The following MARCHF1 variants were observed in gnomAD, a reference collection of about 807,000 sequenced individuals.
MARCHF1 encodes E3 ubiquitin-protein ligase MARCHF1.
In MARCHF1, 40 loss-of-function variants were observed where a neutral mutation model predicts 54.2. That is an observed-to-expected ratio of 0.74 (90% CI 0.57 to 0.96). MARCHF1 has a LOEUF of 0.96. Ranked by LOEUF, MARCHF1 falls within the 40% of genes least tolerant of loss-of-function variation. MARCHF1 has a pLI of 0.00. For synonymous variants in MARCHF1, 236 were observed against 236.3 expected (o/e 1.00, Z 0.01); for missense variants, 586 against 656.5 (o/e 0.89, Z 1.17).
intron 1 of MARCHF1, among the ~76,000 whole-genome samples, chr4:164,276,955 G>A (rs770327589): frequency 9.1e-6 from 1 of 110,408 alleles, no homozygotes; most frequent in Admixed American, 1.1e-4. Flanking sequence ...TATAGAGAGA[G>A]AGAGAGAGAG....
chr4:164,067,309 A>C (rs1754751446), intron 2 of MARCHF1, among the ~76,000 whole-genome samples: 1 of 152,226 alleles, frequency 6.6e-6, no homozygotes, highest in Non-Finnish European at 1.5e-5. Flanking sequence ...ATCTGGAAGC[A>C]TCACACTACC....
intron 2 of MARCHF1, among the ~76,000 whole-genome samples, chr4:164,095,317 A>G (rs1429471603): frequency 2.6e-5 from 4 of 152,082 alleles, no homozygotes; most frequent in Admixed American, 6.6e-5. Context: ...GTAATAGCAT[A>G]TATGACTAGT....
intron 3 of MARCHF1, among the ~76,000 whole-genome samples, chr4:163,962,991 A>G (rs1311470540): frequency 6.6e-6 from 1 of 151,866 alleles, no homozygotes; most frequent in Non-Finnish European, 1.5e-5. Context: ...TTTCCACTCA[A>G]CAGGTTTTTC....
chr4:163,969,463 A>G (rs1195523670), intron 3 of MARCHF1, among the ~76,000 whole-genome samples: 1 of 152,224 alleles, frequency 6.6e-6, no homozygotes, highest in African/African-American at 2.4e-5. Context: ...TTGCCAATAC[A>G]GTTGGAACAT....
chr4:164,282,012 C>T (rs1398799201), intron 1 of MARCHF1, among the ~76,000 whole-genome samples: 3 of 150,660 alleles, frequency 2.0e-5, no homozygotes, highest in Admixed American at 6.8e-5. Context: ...TTCCATTCAT[C>T]GTTTCACTCT....
At chr4:163,614,340 A>T (rs1741444019) in intron 5 of MARCHF1, among the ~76,000 whole-genome samples, 1 of 152,132 alleles carries the variant, frequency 6.6e-6, no homozygotes, top group Non-Finnish European at 1.5e-5. Flanking sequence ...AATTACATAC[A>T]TGTTACAGCT....
intron 1 of MARCHF1, among the ~76,000 whole-genome samples, chr4:164,377,190 C>T (rs1172465220): frequency 5.7e-5 from 7 of 121,990 alleles, no homozygotes; most frequent in South Asian, 2.8e-4. Flanking sequence ...TCAATCCATC[C>T]GTCACCAGGC....
At chr4:163,796,114 C>T (rs1252812452) in intron 4 of MARCHF1, among the ~76,000 whole-genome samples, 1 of 151,738 alleles carries the variant, frequency 6.6e-6, no homozygotes, top group Admixed American at 6.6e-5. Flanking sequence ...AGAAGAAAAT[C>T]TGCATTTCAG....
rs531032788 is a variant in MARCHF1, at chr4:164,024,769, C to T, written c.-247-36060G>A. On this transcript the variant is annotated intron_variant, in intron 2 of 9. Transcript: ENST00000514618. ...ACCCTAAATGTAAATGGTCTAAACA[C>T]CCCATTTAAAAGACAGAGTCACATA... Among the ~76,000 whole-genome samples, 188 of 152,168 alleles carry T rather than the reference C, an allele frequency of 1.2e-3. 1 individual carries two copies. Among genetic ancestry groups the T allele is most frequent in the Middle Eastern group, 3.4e-3 (1 of 294 alleles).
chr4:164,252,123 A>G (rs1733146505), intron 1 of MARCHF1, among the ~76,000 whole-genome samples: 1 of 152,160 alleles, frequency 6.6e-6, no homozygotes, highest in African/African-American at 2.4e-5. Flanking sequence ...ATTAGCCTCT[A>G]TTACTTAAGC....
At chr4:163,756,354 C>T (rs1350716357) in intron 4 of MARCHF1, among the ~76,000 whole-genome samples, 4 of 151,886 alleles carry the variant, frequency 2.6e-5, no homozygotes, top group African/African-American at 9.7e-5. Flanking sequence ...GAAGGCCAGG[C>T]ATGGTGGCTC....
chr4:163,945,935 C>G (rs1320922295), intron 3 of MARCHF1, among the ~76,000 whole-genome samples: 3 of 151,956 alleles, frequency 2.0e-5, no homozygotes, highest in Admixed American at 1.3e-4. Flanking sequence ...CACAGCTTCC[C>G]TAGTTTTTAG....
intron 1 of MARCHF1, among the ~76,000 whole-genome samples, chr4:164,155,909 C>A (rs1046687204): frequency 1.3e-5 from 2 of 152,086 alleles, no homozygotes; most frequent in African/African-American, 4.8e-5. Flanking sequence ...CTTTCTCCCT[C>A]AAAATGATTT....
chr4:163,600,073 C>G (rs1466385499), intron 7 of MARCHF1, among the ~76,000 whole-genome samples: 10 of 152,066 alleles, frequency 6.6e-5, no homozygotes, highest in Non-Finnish European at 7.3e-5. Flanking sequence ...TCTGGTGTGT[C>G]TAAATTATAA....
chr4:164,200,808 G>A (rs1477607655), intron 1 of MARCHF1, among the ~76,000 whole-genome samples: 3 of 152,170 alleles, frequency 2.0e-5, no homozygotes, highest in African/African-American at 7.2e-5. Context: ...ACAGAATGAT[G>A]TTCTCTAGGG....
At chr4:164,026,276 C>T (rs759425066) in intron 2 of MARCHF1, among the ~76,000 whole-genome samples, 1 of 151,950 alleles carries the variant, frequency 6.6e-6, no homozygotes, top group Non-Finnish European at 1.5e-5. Flanking sequence ...GGCAGAGACA[C>T]AGTGAAAAAG....
In MARCHF1 at chr4:164,201,241, GA is replaced by G. The variant is rs1219157062; in HGVS notation, c.-322-89580del. Among the ~76,000 whole-genome samples, 622 of 150,710 alleles carry G rather than the reference GA, an allele frequency of 4.1e-3. 10 individuals carry two copies. Among genetic ancestry groups the G allele is most frequent in the Admixed American group, 0.031 (471 of 15,164 alleles). On this transcript the variant is annotated intron_variant, in intron 1 of 9. Transcript: ENST00000514618. ...TTTGTTTTGTTTTGTTTTGTTTTGG[GA>G]TGGAGTCTCGCTCTGTTGCCAGGCT...
chr4:163,932,733 G>A (rs953165478), intron 3 of MARCHF1: 15 of 542,742 alleles, frequency 2.8e-5, no homozygotes, highest in Non-Finnish European at 5.0e-5. Context: ...AGACACCTCC[G>A]ACAAGAAGTT....
At chr4:164,023,056 G>T (rs1002680194) in intron 2 of MARCHF1, among the ~76,000 whole-genome samples, 2 of 152,168 alleles carry the variant, frequency 1.3e-5, no homozygotes, top group Non-Finnish European at 2.9e-5. Flanking sequence ...ATTGAGCCAA[G>T]ATCTGTGGCC....
Sources: allele counts gnomAD v4.1 joint callset (sites outside exome capture counted in the v4.1 genomes callset), GRCh38; gene constraint gnomAD v4.1.1; transcripts MANE v1.5; gene names NCBI Gene and HGNC (gene_info 2026-07-23, HGNC 2026-07-21).